The following VRK3 variants were observed in gnomAD, a reference collection of about 807,000 sequenced individuals.
The protein encoded by VRK3 is VRK serine/threonine kinase 3.
VRK3 carries 50 observed loss-of-function variants against 60.4 expected under a neutral mutation model. The ratio of observed to expected loss-of-function variants is 0.83; its 90% CI spans 0.66 to 1.05. The LOEUF (loss-of-function observed/expected upper bound fraction) is 1.05, where lower values mean the gene tolerates loss of function less well. VRK3 is among the 50% of genes least tolerant of loss of function. The pLI, the probability that VRK3 is intolerant of heterozygous loss-of-function variation, is 0.00. For missense variants in VRK3, 549 were observed against 585.3 expected, an observed-to-expected ratio of 0.94 and a Z score of 0.64; for synonymous variants, 246 against 227.8, an observed-to-expected ratio of 1.08 and a Z score of -0.72.
At chr19:49,977,703 G>A (rs34348550) in intron 14 of VRK3, among the ~76,000 whole-genome samples, 27,086 of 152,122 alleles carry the variant, frequency 0.18, 2,618 homozygotes, top group East Asian at 0.32. Context: ...GAGCAAGGGT[G>A]TTGGGGAGGA....
intron 9 of VRK3, among the ~76,000 whole-genome samples, 199 bp downstream of exon 9, chr19:49,994,615 T>C (rs892823640): frequency 6.6e-6 from 1 of 152,220 alleles, no homozygotes; most frequent in Non-Finnish European, 1.5e-5. Context: ...CCAATGCTCA[T>C]GGCCCCCCAA....
intron 9 of VRK3, among the ~76,000 whole-genome samples, chr19:49,994,109 G>C (rs2076659278): frequency 6.6e-6 from 1 of 152,142 alleles, no homozygotes; most frequent in Non-Finnish European, 1.5e-5. Flanking sequence ...TGCAGATACT[G>C]AACATAAAGA....
chr19:50,001,672 C>A (rs140584424), intron 5 of VRK3, among the ~76,000 whole-genome samples: 2 of 152,200 alleles, frequency 1.3e-5, no homozygotes, highest in Admixed American at 6.5e-5. Flanking sequence ...GACCTCACCA[C>A]GTCTCTGGCC....
intron 10 of VRK3, among the ~76,000 whole-genome samples, chr19:49,990,293 C>A: frequency 6.6e-6 from 1 of 152,212 alleles, no homozygotes; most frequent in African/African-American, 2.4e-5. Flanking sequence ...TAGTCCCCAC[C>A]TCAAAGGGTT....
chr19:49,979,036 G>C, intron 14 of VRK3, 47 bp downstream of exon 14: 1 of 1,538,500 alleles, frequency 6.5e-7, no homozygotes, highest in Non-Finnish European at 8.8e-7. Flanking sequence ...GCAGGGCTCG[G>C]GTGAGGGCAA....
intron 5 of VRK3, among the ~76,000 whole-genome samples, chr19:50,003,547 G>A (rs755152137): frequency 3.5e-4 from 53 of 152,316 alleles, no homozygotes; most frequent in Non-Finnish European, 6.8e-4. Context: ...AGCGAGGCCC[G>A]GGATATATGA....
chr19:49,990,202 C>T (rs1020267199), intron 10 of VRK3, among the ~76,000 whole-genome samples: 1 of 152,098 alleles, frequency 6.6e-6, no homozygotes, highest in Admixed American at 6.6e-5. Flanking sequence ...CAACTCAGCC[C>T]GCTGGTGGCG....
At chr19:50,010,289 T>C (rs1281593828) in intron 3 of VRK3, among the ~76,000 whole-genome samples, 2 of 152,228 alleles carry the variant, frequency 1.3e-5, no homozygotes, top group East Asian at 3.8e-4. Context: ...TTGTAAACAT[T>C]CTCATCTATT....
At chr19:49,978,441 GT>G (rs2076367701) in intron 14 of VRK3, 1 of 152,406 alleles carries the variant, frequency 6.6e-6, no homozygotes, top group South Asian at 2.1e-4. Flanking sequence ...GCTGATGGAA[GT>G]AAAGCCATCT....
At chr19:50,016,434 G>A (rs1431723672) in intron 2 of VRK3, among the ~76,000 whole-genome samples, 1 of 152,224 alleles carries the variant, frequency 6.6e-6, no homozygotes, top group Non-Finnish European at 1.5e-5. Context: ...GGTGTGAGTA[G>A]AGTCATCTCA....
chr19:50,018,167 C>T (rs1419615314), intron 2 of VRK3, among the ~76,000 whole-genome samples: 1 of 152,214 alleles, frequency 6.6e-6, no homozygotes, highest in Non-Finnish European at 1.5e-5. Context: ...CTCCCAGCTC[C>T]TATCTGATAG....
At position 49,994,818 on chromosome 19, in the gene VRK3, C is replaced by T. The variant is rs772572126; in HGVS notation, c.866G>A (p.Arg289Gln). Residue 289 changes from arginine (R) to glutamine (Q), a missense_variant, in exon 9 of 15, where the codon CGG becomes CAG. Arg to Gln is a conservative substitution (Grantham distance 43, BLOSUM62 1). Transcript: ENST00000316763. ...SERSVLQVACRLLDALEFLHE... is the reference protein window; with the variant it reads ...SERSVLQVACQLLDALEFLHE... ...GAGCAACTTCTGGGTACGCACCAGCCGGCAGGCCACCTGCAGCACAGACCT... is the reference window on the plus strand; with the variant it reads ...GAGCAACTTCTGGGTACGCACCAGCTGGCAGGCCACCTGCAGCACAGACCT... 33 of 1,612,966 alleles carry T rather than the reference C, an allele frequency of 2.0e-5. No homozygotes were observed. Among genetic ancestry groups the T allele is most frequent in the South Asian group, 1.1e-4 (10 of 91,010 alleles).
chr19:49,983,795 C>T lies in VRK3; in HGVS notation c.1218-2782G>A, dbSNP rs3786670. 8.5e-3 allele frequency among the ~76,000 whole-genome samples: 1,292 copies of T among 152,316 alleles called. 71 individuals carry two copies. The East Asian group carries it at 0.11, about 13-fold the overall frequency. On this transcript the variant is annotated intron_variant, in intron 12 of 14. Transcript: ENST00000316763. ...CAGGGCACCTTAGGGTGCCAGGAAA[C>T]GAGCATGTAGCAACATCGCCCCCTT... is the stretch of plus-strand genomic sequence containing the variant.
At chr19:49,986,243 ATAGT>A (rs1215270715) in intron 12 of VRK3, 1 of 152,514 alleles carries the variant, frequency 6.6e-6, no homozygotes, top group African/African-American at 2.4e-5. Flanking sequence ...AACTAGGTGT[ATAGT>A]TAAAGTTAAA....
intron 1 of VRK3, among the ~76,000 whole-genome samples, chr19:50,022,693 C>A (rs1256897872): frequency 6.6e-6 from 1 of 152,072 alleles, no homozygotes; most frequent in Non-Finnish European, 1.5e-5. Context: ...ACTTGGGAGG[C>A]TGAGGCGCAA....
At position 50,005,382 on chromosome 19, in the gene VRK3, G is replaced by T. The variant is rs189783322; in HGVS notation, c.547+2187C>A. On this transcript the variant is annotated intron_variant, in intron 5 of 14. Coordinates refer to ENST00000316763, the MANE Select transcript of VRK3 (RefSeq NM_016440.4). Reference sequence around the variant, plus strand: ...GGCCAGCAGGCACTTCCAATTCAAAGATTTCCTATTGAAATCTAGGTTTCA... The same window carrying T: ...GGCCAGCAGGCACTTCCAATTCAAATATTTCCTATTGAAATCTAGGTTTCA... Among the ~76,000 whole-genome samples the T allele has an allele frequency of 4.1e-4, 62 of 149,500 alleles. 1 individual carries two copies. The East Asian group carries it at 0.011, about 27-fold the overall frequency.
intron 7 of VRK3, among the ~76,000 whole-genome samples, chr19:49,996,418 A>G (rs748690245): frequency 6.6e-6 from 1 of 152,068 alleles, no homozygotes; most frequent in Non-Finnish European, 1.5e-5. Context: ...CAAGCTACCA[A>G]CATGACATGA....
In VRK3 at chr19:50,000,873, G is replaced by A. The variant is rs559500344; in HGVS notation, c.548-19C>T. The A allele has an allele frequency of 7.7e-5, 124 of 1,612,434 alleles. No homozygotes were observed. The Middle Eastern group carries it at 1.8e-3, about 24-fold the overall frequency. On this transcript the variant is annotated intron_variant, in intron 5 of 14. Transcript: ENST00000316763. ...GGTGCAGCTGTGGGGGAACAAACAA[G>A]GGAGTGAGGTTATAACCACGCGGAA...
intron 8 of VRK3, 43 bp downstream of exon 8, chr19:49,995,148 A>T: frequency 6.3e-7 from 1 of 1,595,802 alleles, no homozygotes; most frequent in South Asian, 1.1e-5. Flanking sequence ...CAGGAAGAAG[A>T]GGAAAGAGGC....
Sources: allele counts gnomAD v4.1 joint callset (sites outside exome capture counted in the v4.1 genomes callset), GRCh38; gene constraint gnomAD v4.1.1; transcripts MANE v1.5; gene names NCBI Gene and HGNC (gene_info 2026-07-23, HGNC 2026-07-21).